RCOR3: variants seen among roughly 807,000 people sequenced by gnomAD.
RCOR3 encodes the protein REST corepressor 3.
RCOR3 carries 13 observed loss-of-function variants against 64.1 expected under a neutral mutation model. That is an observed-to-expected ratio of 0.20 (90% CI 0.13 to 0.32). The LOEUF (loss-of-function observed/expected upper bound fraction) is 0.32, where lower values mean the gene tolerates loss of function less well. Ranked by LOEUF, RCOR3 falls within the 10% of genes least tolerant of loss-of-function variation. The pLI, the probability that RCOR3 is intolerant of heterozygous loss-of-function variation, is 1.00. For synonymous variants in RCOR3, 215 were observed against 239.0 expected (o/e 0.90, Z 0.93); for missense variants, 489 against 701.2 (o/e 0.70, Z 3.42).
chr1:211,283,331 A>G (rs983584242), intron 7 of RCOR3, among the ~76,000 whole-genome samples: 2 of 152,232 alleles, frequency 1.3e-5, no homozygotes, highest in African/African-American at 4.8e-5. Flanking sequence ...CCAAAATGCC[A>G]ACAGTGATTT....
In RCOR3 at chr1:211,270,763, T is replaced by G. The variant is rs1696046428; in HGVS notation, c.224-469T>G. ...TTTTATAAGCAAAATATTTACTATA[T>G]GTAATGTAAATCTGTTTTCCTTCTG... On this transcript the variant is annotated intron_variant, in intron 2 of 11. Coordinates refer to ENST00000419091, the MANE Select transcript of RCOR3 (RefSeq NM_001136223.3). Among the ~76,000 whole-genome samples, 6 of 152,308 alleles carry G rather than the reference T, an allele frequency of 3.9e-5. No individual in the cohort carries two copies. The East Asian group carries it at 9.6e-4, about 24-fold the overall frequency.
At chr1:211,272,612 CTTTTT>C (rs768152573) in intron 3 of RCOR3, among the ~76,000 whole-genome samples, 13 of 43,516 alleles carry the variant, frequency 3.0e-4, no homozygotes, top group Admixed American at 1.9e-3. Context: ...GGATGTCTTA[CTTTTT>C]TTTTTTTTTT....
Position 211,313,319 on chromosome 1 carries a change from T to C in RCOR3, c.1318-105T>C. 6.8e-7 allele frequency: 1 copy of C among 1,465,884 alleles called. No homozygotes were observed. The highest frequency in any genetic ancestry group is 9.0e-7 in the Non-Finnish European group (1 of 1,112,180). 90.8% of individuals were successfully genotyped at this position (1,465,884 alleles called of 1,614,324 possible). On this transcript the variant is annotated intron_variant, in intron 11 of 11. Coordinates refer to ENST00000419091, the MANE Select transcript of RCOR3 (RefSeq NM_001136223.3). This position sits in a 1 kb window ranked among gnomAD's most constrained non-coding sequence, Gnocchi z 4.7. ...ATAAACACTGGTGTTATGTTTTTGT[T>C]TTGTTTTGATTTGTTTTGTTTTTCC...
At chr1:211,310,841 C>T (rs1701405045) in intron 10 of RCOR3, among the ~76,000 whole-genome samples, 1 of 152,154 alleles carries the variant, frequency 6.6e-6, no homozygotes, top group African/African-American at 2.4e-5. Context: ...GGAATACAGT[C>T]TAATCCTAGA....
chr1:211,314,057 T>C lies in RCOR3; in HGVS notation c.*289T>C. ...GATTTAAGTATTCTATATACCAAGT[T>C]TTTGTTTTGTTTTTACTGTATTTAT... is the stretch of plus-strand genomic sequence containing the variant. On this transcript the variant is annotated 3_prime_UTR_variant, in exon 12 of 12. Transcript: ENST00000419091. The C allele has an allele frequency of 3.3e-6, 1 of 301,966 alleles. No individual in the cohort carries two copies. The highest frequency in any genetic ancestry group is 6.1e-6 in the Non-Finnish European group (1 of 162,608). 18.7% of individuals were successfully genotyped at this position (301,966 alleles called of 1,614,324 possible). A position where few individuals can be genotyped will look rare whatever the true frequency, so the allele number is the denominator to read the frequency against.
chr1:211,265,569 A>T (rs1365783370), intron 2 of RCOR3, among the ~76,000 whole-genome samples: 1 of 152,164 alleles, frequency 6.6e-6, no homozygotes, highest in African/African-American at 2.4e-5. Context: ...AATACAAAAA[A>T]TCAGCTGGGC....
intron 2 of RCOR3, among the ~76,000 whole-genome samples, chr1:211,270,178 G>A (rs1428493564): frequency 1.3e-5 from 2 of 150,974 alleles, no homozygotes; most frequent in Non-Finnish European, 1.5e-5. Flanking sequence ...GTTCTCCTGC[G>A]TCAGCCTCCC....
Position 211,259,735 on chromosome 1 carries a change from C to T in RCOR3, c.166+9C>T, listed in dbSNP as rs1257276433. ...CAGCGACGACGAGCACGGTGGTAGC[C>T]TCGAACTCCTCCCCGCCAGCCCGCC... On this transcript the variant is annotated intron_variant, in intron 1 of 11. Coordinates refer to ENST00000419091, the MANE Select transcript of RCOR3 (RefSeq NM_001136223.3). The T allele has an allele frequency of 1.4e-6, 2 of 1,480,710 alleles. No individual in the cohort carries two copies. Among genetic ancestry groups the T allele is most frequent in the East Asian group, 2.6e-5 (1 of 38,816 alleles). The allele number at this position is 1,480,710 out of a possible 1,614,324, so 91.7% of individuals were successfully genotyped here.
intron 9 of RCOR3, among the ~76,000 whole-genome samples, chr1:211,297,059 C>T (rs1337158003): frequency 6.6e-6 from 1 of 151,952 alleles, no homozygotes; most frequent in African/African-American, 2.4e-5. Flanking sequence ...GAAAGAAAAG[C>T]TGAATAATTA....
At chr1:211,283,105 G>A (rs1256821128) in intron 7 of RCOR3, among the ~76,000 whole-genome samples, 6 of 151,942 alleles carry the variant, frequency 3.9e-5, no homozygotes, top group African/African-American at 7.3e-5. Context: ...TTTTTATTAC[G>A]GACACTGCTG....
intron 7 of RCOR3, among the ~76,000 whole-genome samples, chr1:211,283,262 C>T (rs1698070772): frequency 6.6e-6 from 1 of 152,112 alleles, no homozygotes; most frequent in Non-Finnish European, 1.5e-5. Flanking sequence ...TTTCAGTTGT[C>T]GAGTGGGCAG....
rs141494558 is a variant in RCOR3, at chr1:211,298,733, G to A, written c.1017+2980G>A. ...GTGAAAGCCAGAAAGAGGGCCAGGC[G>A]TGGTGGCTCATGCCTGTAATCCCAG... On this transcript the variant is annotated intron_variant, in intron 9 of 11. Transcript: ENST00000419091. Among the ~76,000 whole-genome samples, 1,156 of 152,258 alleles carry A rather than the reference G, an allele frequency of 7.6e-3. 10 individuals carry two copies. Among genetic ancestry groups the A allele is most frequent in the African/African-American group, 0.023 (954 of 41,538 alleles).
intron 10 of RCOR3, among the ~76,000 whole-genome samples, chr1:211,308,852 C>T (rs1257484883): frequency 1.3e-5 from 2 of 151,426 alleles, no homozygotes; most frequent in East Asian, 1.9e-4. Flanking sequence ...GCTGGGACTA[C>T]AGGCATTCAC....
intron 2 of RCOR3, among the ~76,000 whole-genome samples, chr1:211,266,057 C>T (rs950174346): frequency 2.1e-4 from 32 of 151,996 alleles, no homozygotes; most frequent in African/African-American, 6.3e-4. Flanking sequence ...AGTTTTCAGG[C>T]AGATTGTCTT....
chr1:211,313,203 T>C lies in RCOR3; in HGVS notation c.1318-221T>C. The C allele has an allele frequency of 7.0e-7, 1 of 1,431,414 alleles. No homozygotes were observed. The highest frequency in any genetic ancestry group is 9.1e-7 in the Non-Finnish European group (1 of 1,099,630). The allele number at this position is 1,431,414 out of a possible 1,614,324, so 88.7% of individuals were successfully genotyped here. A position where few individuals can be genotyped will look rare whatever the true frequency, so the allele number is the denominator to read the frequency against. On this transcript the variant is annotated intron_variant, in intron 11 of 11. Transcript: ENST00000419091. The surrounding 1 kb of genome is among the most constrained non-coding windows in gnomAD (Gnocchi z 4.7). ...CTTATTTTTATTTTCAGTGTTAAGC[T>C]GTTTACAAATAAAGATGCCTGTTTG...
intron 8 of RCOR3, among the ~76,000 whole-genome samples, chr1:211,293,756 C>T (rs747260184): frequency 6.6e-6 from 1 of 152,120 alleles, no homozygotes; most frequent in African/African-American, 2.4e-5. Flanking sequence ...GCTGACTACC[C>T]TTGAACCATC....
intron 2 of RCOR3, among the ~76,000 whole-genome samples, chr1:211,266,622 GTTGTT>G (rs1321898529): frequency 6.6e-6 from 1 of 152,138 alleles, no homozygotes; most frequent in Non-Finnish European, 1.5e-5. Context: ...CTAAGGCATG[GTTGTT>G]TTGTTGGTGA....
Position 211,312,592 on chromosome 1 carries a change from T to A in RCOR3, c.1076-128T>A, listed in dbSNP as rs1191893357. ...TGATATCTTAGCCTCTATCTCAGAA[T>A]TGAGAAATGAGCAGAGTTTATCAGA... is the stretch of plus-strand genomic sequence containing the variant. On this transcript the variant is annotated intron_variant, in intron 10 of 11. Transcript: ENST00000419091. The surrounding 1 kb of genome is among the most constrained non-coding windows in gnomAD (Gnocchi z 5.0). The A allele has an allele frequency of 4.1e-6, 3 of 737,652 alleles. No individual in the cohort carries two copies. The African/African-American group carries it at 5.2e-5, about 13-fold the overall frequency. 45.7% of individuals were successfully genotyped at this position (737,652 alleles called of 1,614,324 possible). A position where few individuals can be genotyped will look rare whatever the true frequency, so the allele number is the denominator to read the frequency against.
intron 2 of RCOR3, among the ~76,000 whole-genome samples, chr1:211,265,308 A>G (rs1340227952): frequency 6.6e-6 from 1 of 152,240 alleles, no homozygotes; most frequent in Non-Finnish European, 1.5e-5. Flanking sequence ...TTTGTAAAAT[A>G]TGTAGACAAG....
Sources: gnomAD v4.1 joint callset for allele counts (sites outside exome capture counted in the v4.1 genomes callset) on GRCh38, gnomAD v4.1.1 for gene constraint, Gnocchi (gnomAD v3.1) non-coding constraint, MANE v1.5 for transcripts, NCBI Gene and HGNC (gene_info 2026-07-23, HGNC 2026-07-21) for gene names.